Variants in CADPS2 observed in about 807,000 individuals in gnomAD.
CADPS2 encodes calcium-dependent secretion activator 2.
Under a neutral mutation model 172.5 loss-of-function variants are expected in CADPS2, and 93 were observed. The ratio of observed to expected loss-of-function variants is 0.54; its 90% confidence interval spans 0.46 to 0.64. The LOEUF is 0.64. CADPS2 is among the 30% of genes least tolerant of loss of function. CADPS2 has a pLI of 0.00. For synonymous variants in CADPS2, 546 were observed against 555.2 expected, an observed-to-expected ratio of 0.98 and a Z score of 0.23; for missense variants, 1,420 against 1,565.9, an observed-to-expected ratio of 0.91 and a Z score of 1.57.
intron 11 of CADPS2, among the ~76,000 whole-genome samples, chr7:122,486,532 G>T (rs1346384681): frequency 6.6e-6 from 1 of 152,146 alleles, no homozygotes; most frequent in Non-Finnish European, 1.5e-5. Flanking sequence ...ATAAGAAGTT[G>T]GTTCCTTTGG....
chr7:122,493,705 G>A (rs559702376), intron 9 of CADPS2, among the ~76,000 whole-genome samples: 4 of 145,062 alleles, frequency 2.8e-5, no homozygotes, highest in South Asian at 4.3e-4. Flanking sequence ...TTTGCCAAGC[G>A]TGGTTATGTT....
At chr7:122,678,415 T>C (rs747086663) in intron 2 of CADPS2, among the ~76,000 whole-genome samples, 4 of 152,232 alleles carry the variant, frequency 2.6e-5, no homozygotes, top group Non-Finnish European at 4.4e-5. Flanking sequence ...ATTTTATTAA[T>C]GCAAGGCTGG....
chr7:122,572,083 T>G (rs375794714), intron 7 of CADPS2, among the ~76,000 whole-genome samples: 63 of 152,298 alleles, frequency 4.1e-4, no homozygotes, highest in African/African-American at 1.5e-3. Context: ...CGTGAAATCA[T>G]AATCACAGGT....
chr7:122,662,542 A>G (rs2080713732), intron 3 of CADPS2, among the ~76,000 whole-genome samples: 1 of 151,858 alleles, frequency 6.6e-6, no homozygotes, highest in Admixed American at 6.6e-5. Flanking sequence ...CGCCCAGCTA[A>G]TTTTTCTATT....
intron 7 of CADPS2, among the ~76,000 whole-genome samples, chr7:122,567,961 T>C (rs1403040481): frequency 6.6e-6 from 1 of 152,026 alleles, no homozygotes; most frequent in Non-Finnish European, 1.5e-5. Flanking sequence ...AAAATATAAT[T>C]GAAATAACCC....
intron 14 of CADPS2, among the ~76,000 whole-genome samples, chr7:122,453,367 T>C (rs183935448): frequency 1.6e-3 from 250 of 152,266 alleles, no homozygotes; most frequent in Non-Finnish European, 3.1e-3. Flanking sequence ...TCAATTCCCA[T>C]TGAGCGAATG....
chr7:122,663,144 T>A, intron 3 of CADPS2, 93 bp downstream of exon 3: 1 of 903,180 alleles, frequency 1.1e-6, no homozygotes. Flanking sequence ...AAAGTGATTA[T>A]AGCAAGTAAA....
chr7:122,448,014 G>C (rs1290344499), intron 15 of CADPS2, among the ~76,000 whole-genome samples: 1 of 151,994 alleles, frequency 6.6e-6, no homozygotes, highest in Non-Finnish European at 1.5e-5. Flanking sequence ...TAGAATTCTA[G>C]GTTGGAAATG....
chr7:122,537,880 G>T lies in CADPS2; in HGVS notation c.1475+16670C>A, dbSNP rs144395659. On this transcript the variant is annotated intron_variant, in intron 8 of 29. Transcript: ENST00000449022. ...TGAAATAAAAAATAATTTTAAAAAA[G>T]GATAAAAACGCAAGAGAAGATTTTA... Among the ~76,000 whole-genome samples, 17 of 151,048 alleles carry T rather than the reference G, an allele frequency of 1.1e-4. No individual in the cohort carries two copies. In the East Asian group the frequency reaches 3.3e-3, roughly 29 times the overall value.
chr7:122,481,320 T>C (rs1586491193), intron 11 of CADPS2, among the ~76,000 whole-genome samples: 1 of 152,118 alleles, frequency 6.6e-6, no homozygotes, highest in Non-Finnish European at 1.5e-5. Flanking sequence ...GGAATACAAG[T>C]CAGTTGTTGT....
chr7:122,544,392 C>A (rs2063411613), intron 8 of CADPS2, among the ~76,000 whole-genome samples: 1 of 152,036 alleles, frequency 6.6e-6, no homozygotes. Context: ...CAGTATCTAA[C>A]CTTTGCTGTA....
chr7:122,336,799 TA>T (rs2035928386), intron 28 of CADPS2, among the ~76,000 whole-genome samples: 1 of 152,184 alleles, frequency 6.6e-6, no homozygotes, highest in African/African-American at 2.4e-5. Context: ...TAAGAGAGCT[TA>T]GGTGATCAAC....
chr7:122,682,883 G>A (rs2083204480), intron 2 of CADPS2, among the ~76,000 whole-genome samples: 1 of 152,182 alleles, frequency 6.6e-6, no homozygotes, highest in Non-Finnish European at 1.5e-5. Flanking sequence ...TCAGTGGCCT[G>A]TTTCACTCAG....
At chr7:122,801,468 G>C (rs1314460899) in intron 1 of CADPS2, among the ~76,000 whole-genome samples, 1 of 152,162 alleles carries the variant, frequency 6.6e-6, no homozygotes, top group African/African-American at 2.4e-5. Flanking sequence ...AAATGTATTA[G>C]CAAGCAAGGA....
At chr7:122,830,396 T>TAA (rs34938284) in intron 1 of CADPS2, among the ~76,000 whole-genome samples, 38 of 146,052 alleles carry the variant, frequency 2.6e-4, no homozygotes, top group African/African-American at 5.5e-4. Context: ...CTGACACTGC[T>TAA]AAAAAAAAAA....
intron 6 of CADPS2, among the ~76,000 whole-genome samples, chr7:122,604,372 C>G (rs973935302): frequency 2.6e-5 from 4 of 152,104 alleles, no homozygotes; most frequent in African/African-American, 4.8e-5. Flanking sequence ...TGTGTCCCAA[C>G]AGAAGATTTG....
At chr7:122,815,429 C>G (rs1450034855) in intron 1 of CADPS2, among the ~76,000 whole-genome samples, 3 of 152,088 alleles carry the variant, frequency 2.0e-5, no homozygotes, top group Non-Finnish European at 4.4e-5. Flanking sequence ...AAAGCCTTAC[C>G]TCAGAAAAGT....
Position 122,494,881 on chromosome 7 carries a change from GT to G in CADPS2, c.1543-3462del, listed in dbSNP as rs1029757788. Among the ~76,000 whole-genome samples the G allele has an allele frequency of 2.1e-3, 296 of 142,624 alleles. 2 individuals carry two copies. The highest frequency in any genetic ancestry group is 7.3e-3 in the East Asian group (36 of 4,926). The allele number at this position is 142,624 out of a possible 152,430, so 93.6% of individuals were successfully genotyped here. A position where few individuals can be genotyped will look rare whatever the true frequency, so the allele number is the denominator to read the frequency against. On this transcript the variant is annotated intron_variant, in intron 9 of 29. Transcript: ENST00000449022. ...ATGAAAGTCAGTTGCTCCCATAAGG[GT>G]TTTTTTTTTTTATTTTTTGGTAATC...
intron 1 of CADPS2, among the ~76,000 whole-genome samples, chr7:122,774,223 CAA>C (rs1454845137): frequency 6.7e-6 from 1 of 149,998 alleles, no homozygotes; most frequent in Middle Eastern, 3.4e-3. Flanking sequence ...AAAATTTATT[CAA>C]GTCTCTTCAA....
Sources: allele counts gnomAD v4.1 joint callset (sites outside exome capture counted in the v4.1 genomes callset), GRCh38; gene constraint gnomAD v4.1.1; transcripts MANE v1.5; gene names NCBI Gene and HGNC (gene_info 2026-07-23, HGNC 2026-07-21).